Variants in FHIT observed in about 807,000 individuals in gnomAD.
The protein encoded by FHIT is bis(5'-adenosyl)-triphosphatase.
Under a neutral mutation model 17.9 loss-of-function variants are expected in FHIT, and 19 were observed. The observed-to-expected ratio is 1.06, with a 90% confidence interval of 0.74 to 1.56. The LOEUF (loss-of-function observed/expected upper bound fraction) is 1.56, where lower values mean the gene tolerates loss of function less well. Among genes scored for constraint, FHIT ranks in the 40% most tolerant of loss-of-function variants. The pLI is 0.00. For synonymous variants in FHIT, 81 were observed against 69.7 expected, an observed-to-expected ratio of 1.16 and a Z score of -0.81; for missense variants, 248 against 189.2, an observed-to-expected ratio of 1.31 and a Z score of -1.82.
At chr3:60,680,213 T>C (rs1274374604) in intron 4 of FHIT, among the ~76,000 whole-genome samples, 2 of 152,296 alleles carry the variant, frequency 1.3e-5, no homozygotes, top group South Asian at 2.1e-4. Context: ...CCTAGAATTG[T>C]TAGATTTATT....
chr3:60,867,891 G>A (rs777445481), intron 3 of FHIT, among the ~76,000 whole-genome samples: 21 of 151,904 alleles, frequency 1.4e-4, no homozygotes, highest in Non-Finnish European at 2.9e-4. Context: ...TGTGATCTGG[G>A]GACTCATTTG....
At chr3:59,870,769 T>A (rs1559683117) in intron 8 of FHIT, among the ~76,000 whole-genome samples, 1 of 152,142 alleles carries the variant, frequency 6.6e-6, no homozygotes, top group Non-Finnish European at 1.5e-5. Context: ...AAACCAAACA[T>A]TTTCCCTGTT....
At chr3:60,826,656 G>A (rs1387276666) in intron 3 of FHIT, among the ~76,000 whole-genome samples, 3 of 152,106 alleles carry the variant, frequency 2.0e-5, no homozygotes, top group South Asian at 2.1e-4. Flanking sequence ...AGTTCAGCCC[G>A]CAGAGGGAAC....
intron 3 of FHIT, among the ~76,000 whole-genome samples, chr3:60,931,911 T>C (rs554580811): frequency 6.6e-6 from 1 of 152,332 alleles, no homozygotes; most frequent in South Asian, 2.1e-4. Flanking sequence ...TATCCAACTA[T>C]GTGAAAAATT....
chr3:60,236,788 T>G (rs76935376), intron 5 of FHIT, among the ~76,000 whole-genome samples: 7,822 of 152,232 alleles, frequency 0.051, 211 homozygotes, highest in Middle Eastern at 0.11. Context: ...AAAAACTCCC[T>G]TATCACTCCT....
In FHIT at chr3:61,028,835, G is replaced by A. The variant is rs368170247; in HGVS notation, c.-111+13212C>T. Among the ~76,000 whole-genome samples, 49 of 149,120 alleles carry A rather than the reference G, an allele frequency of 3.3e-4. 1 individual carries two copies. In the South Asian group the frequency reaches 5.3e-3, roughly 16 times the overall value. Reference sequence around the variant, plus strand: ...GACTTTGGGGACTAGGAGGGTGCAGGAACTAGACAGAGGGATTCCAGGCAG... The same window carrying A: ...GACTTTGGGGACTAGGAGGGTGCAGAAACTAGACAGAGGGATTCCAGGCAG... On this transcript the variant is annotated intron_variant, in intron 3 of 9. Transcript: ENST00000492590.
chr3:60,602,033 G>A (rs2038460238), intron 4 of FHIT, among the ~76,000 whole-genome samples: 1 of 150,754 alleles, frequency 6.6e-6, no homozygotes, highest in South Asian at 2.1e-4. Flanking sequence ...AGCAAACAAA[G>A]TAAGCATTAA....
chr3:60,952,365 A>C lies in FHIT; in HGVS notation c.-111+89682T>G, dbSNP rs73836066. 7.9e-3 allele frequency among the ~76,000 whole-genome samples: 1,206 copies of C among 152,260 alleles called. 11 individuals are homozygous for C. Among genetic ancestry groups the C allele is most frequent in the African/African-American group, 0.027 (1,108 of 41,548 alleles). ...CAGTGACAACTTGGCCTATTTATTC[A>C]TCTTTTAACCGTTTGTTCTGGTGTC... On this transcript the variant is annotated intron_variant, in intron 3 of 9. Transcript: ENST00000492590.
chr3:60,806,504 T>C (rs1701393560), intron 4 of FHIT, among the ~76,000 whole-genome samples: 1 of 152,242 alleles, frequency 6.6e-6, no homozygotes, highest in Admixed American at 6.5e-5. Flanking sequence ...ATACACTATT[T>C]GTACTGATTT....
chr3:61,161,614 TATTTA>T (rs1219980072), intron 2 of FHIT, among the ~76,000 whole-genome samples: 1 of 152,254 alleles, frequency 6.6e-6, no homozygotes, highest in Non-Finnish European at 1.5e-5. Context: ...GCCATTTCTT[TATTTA>T]AAGTCTTTGC....
chr3:60,773,249 A>G (rs1347118223), intron 4 of FHIT, among the ~76,000 whole-genome samples: 1 of 152,228 alleles, frequency 6.6e-6, no homozygotes, highest in Non-Finnish European at 1.5e-5. Context: ...AAAATCAAAG[A>G]CACATCGAAA....
intron 5 of FHIT, among the ~76,000 whole-genome samples, chr3:60,204,607 A>G (rs1431287057): frequency 6.6e-6 from 1 of 152,020 alleles, no homozygotes; most frequent in African/African-American, 2.4e-5. Context: ...GGTATTTTTA[A>G]GGTGGGACAA....
At chr3:60,152,250 GAGTA>G (rs1210240062) in intron 5 of FHIT, among the ~76,000 whole-genome samples, 1 of 152,136 alleles carries the variant, frequency 6.6e-6, no homozygotes, top group Non-Finnish European at 1.5e-5. Flanking sequence ...TGTGTAATAG[GAGTA>G]AGTATCTATT....
chr3:60,323,517 C>A (rs1162506023), intron 5 of FHIT, among the ~76,000 whole-genome samples: 1 of 152,060 alleles, frequency 6.6e-6, no homozygotes, highest in Non-Finnish European at 1.5e-5. Flanking sequence ...TACAACATCG[C>A]CCTGCAGGCT....
intron 4 of FHIT, among the ~76,000 whole-genome samples, chr3:60,538,433 A>C (rs2107602334): frequency 6.6e-6 from 1 of 152,314 alleles, no homozygotes; most frequent in Middle Eastern, 3.4e-3. Flanking sequence ...GAATTGGAAA[A>C]AAACTACTCT....
intron 5 of FHIT, among the ~76,000 whole-genome samples, chr3:60,028,257 A>G (rs1700838800): frequency 1.3e-5 from 2 of 152,310 alleles, no homozygotes; most frequent in South Asian, 2.1e-4. Flanking sequence ...CATGGTTCCA[A>G]TATGCACATA....
intron 5 of FHIT, among the ~76,000 whole-genome samples, chr3:60,301,856 T>C (rs541455048): frequency 6.6e-6 from 1 of 152,208 alleles, no homozygotes; most frequent in African/African-American, 2.4e-5. Flanking sequence ...GTTCAAACAA[T>C]AAAAATGCAC....
chr3:60,119,722 G>A (rs1000028084), intron 5 of FHIT, among the ~76,000 whole-genome samples: 1 of 152,058 alleles, frequency 6.6e-6, no homozygotes, highest in African/African-American at 2.4e-5. Flanking sequence ...ATTGAGTACT[G>A]GTGACTCAAT....
intron 5 of FHIT, among the ~76,000 whole-genome samples, chr3:60,321,930 T>C (rs1709452235): frequency 6.6e-6 from 1 of 152,188 alleles, no homozygotes; most frequent in Non-Finnish European, 1.5e-5. Flanking sequence ...CCCTCGTGAC[T>C]TAATCACTTC....
Sources: gnomAD v4.1 joint callset for allele counts (sites outside exome capture counted in the v4.1 genomes callset) on GRCh38, gnomAD v4.1.1 for gene constraint, MANE v1.5 for transcripts, NCBI Gene and HGNC (gene_info 2026-07-23, HGNC 2026-07-21) for gene names.